The following HOMER1 variants were observed in gnomAD, a reference collection of about 807,000 sequenced individuals.
HOMER1 encodes homer scaffold protein 1.
In HOMER1, 3 loss-of-function variants were observed where a neutral mutation model predicts 48.9. The observed-to-expected ratio is 0.06, with a 90% CI of 0.03 to 0.16. The LOEUF is 0.16. Ranked by LOEUF, HOMER1 falls within the 10% of genes least tolerant of loss-of-function variation. HOMER1 has a pLI of 1.00. For missense variants in HOMER1, 247 were observed against 411.4 expected, an observed-to-expected ratio of 0.60 and a Z score of 3.46; for synonymous variants, 134 against 146.4, an observed-to-expected ratio of 0.92 and a Z score of 0.61.
chr5:79,377,000 C>G lies in HOMER1; in HGVS notation c.877-803G>C, dbSNP rs1001695890. Among the ~76,000 whole-genome samples, 6 of 152,188 alleles carry G rather than the reference C, an allele frequency of 3.9e-5. 1 individual carries two copies. Among genetic ancestry groups the G allele is most frequent in the African/African-American group, 1.4e-4 (6 of 41,450 alleles). ...CTTTTCTTTGAGACACAGTCTCACT[C>G]TGTCCCCCAGGATGGAGTGCAATGG... is the stretch of plus-strand genomic sequence containing the variant. On this transcript the variant is annotated intron_variant, in intron 8 of 8. Transcript: ENST00000334082.
In HOMER1 at chr5:79,375,916, T is replaced by A. The variant is rs982331975; in HGVS notation, c.*93A>T. On this transcript the variant is annotated 3_prime_UTR_variant, in exon 9 of 9. Transcript: ENST00000334082. ...GGAGTGATATTCAATTTTTTTTTTTTTTTTTTTGTGCAATCTTGATGCAGA... is the reference window on the plus strand; with the variant it reads ...GGAGTGATATTCAATTTTTTTTTTTATTTTTTTGTGCAATCTTGATGCAGA... 9.1e-5 allele frequency: 51 copies of A among 558,768 alleles called. 2 individuals carry two copies. The highest frequency in any genetic ancestry group is 1.3e-4 in the Non-Finnish European group (47 of 374,746). The allele number at this position is 558,768 out of a possible 1,614,324, so 34.6% of individuals were successfully genotyped here. A position where few individuals can be genotyped will look rare whatever the true frequency, so the allele number is the denominator to read the frequency against.
intron 1 of HOMER1, among the ~76,000 whole-genome samples, chr5:79,472,472 AT>A (rs1212631694): frequency 1.3e-5 from 2 of 152,270 alleles, no homozygotes; most frequent in East Asian, 3.9e-4. Context: ...GTAAATACCA[AT>A]TAAAAATACT....
intron 8 of HOMER1, among the ~76,000 whole-genome samples, chr5:79,390,407 T>C (rs898497427): frequency 6.6e-6 from 1 of 152,048 alleles, no homozygotes; most frequent in African/African-American, 2.4e-5. Context: ...AGGTAACCAC[T>C]ACAACAAAAC....
intron 5 of HOMER1, among the ~76,000 whole-genome samples, chr5:79,428,106 CT>C (rs1750320886): frequency 6.6e-6 from 1 of 152,088 alleles, no homozygotes; most frequent in Non-Finnish European, 1.5e-5. Flanking sequence ...TTCATTTTTC[CT>C]TTAAAATAAA....
chr5:79,483,819 C>G (rs1355038314), intron 1 of HOMER1, among the ~76,000 whole-genome samples: 1 of 149,612 alleles, frequency 6.7e-6, no homozygotes, highest in Non-Finnish European at 1.5e-5. Flanking sequence ...CTTTGGGAGG[C>G]CGAGGTGGGT....
chr5:79,401,770 ACAACC>A, intron 6 of HOMER1, 124 bp downstream of exon 6: 1 of 850,830 alleles, frequency 1.2e-6, no homozygotes, highest in Non-Finnish European at 1.8e-6. Flanking sequence ...TGCATATCAT[ACAACC>A]CATATCTATG....
At chr5:79,433,182 T>A (rs1580448012) in intron 5 of HOMER1, among the ~76,000 whole-genome samples, 2 of 152,136 alleles carry the variant, frequency 1.3e-5, no homozygotes, top group East Asian at 3.8e-4. Flanking sequence ...CATGTCACAG[T>A]GTGGAGAATA....
intron 1 of HOMER1, among the ~76,000 whole-genome samples, chr5:79,482,309 C>G (rs2112343445): frequency 6.6e-6 from 1 of 152,066 alleles, no homozygotes; most frequent in Non-Finnish European, 1.5e-5. Context: ...TAAAACATAA[C>G]CCATAATGAG....
At chr5:79,434,543 T>C (rs1246759168) in intron 5 of HOMER1, among the ~76,000 whole-genome samples, 1 of 152,116 alleles carries the variant, frequency 6.6e-6, no homozygotes, top group African/African-American at 2.4e-5. Context: ...TCTCAAAAGA[T>C]ATTATCATTT....
Position 79,513,080 on chromosome 5 carries a change from C to T in HOMER1, c.-306G>A. On this transcript the variant is annotated 5_prime_UTR_variant, in exon 1 of 9. Coordinates refer to ENST00000334082, the MANE Select transcript of HOMER1 (RefSeq NM_004272.5). ...TCTACAAGTAGGGAAATGCAGAATCCGGCTTCACCGAGTCCTATAAAAAAT... is the reference window on the plus strand; with the variant it reads ...TCTACAAGTAGGGAAATGCAGAATCTGGCTTCACCGAGTCCTATAAAAAAT... The T allele has an allele frequency of 2.4e-6, 1 of 424,488 alleles. No individual in the cohort carries two copies. Among genetic ancestry groups the T allele is most frequent in the Non-Finnish European group, 4.2e-6 (1 of 237,566 alleles). The allele number at this position is 424,488 out of a possible 1,614,324, so 26.3% of individuals were successfully genotyped here.
At chr5:79,411,974 C>T (rs1362244630) in intron 5 of HOMER1, among the ~76,000 whole-genome samples, 1 of 152,160 alleles carries the variant, frequency 6.6e-6, no homozygotes, top group East Asian at 1.9e-4. Context: ...CAAAAATTAG[C>T]CGGGTGTGGT....
intron 1 of HOMER1, among the ~76,000 whole-genome samples, chr5:79,482,213 CT>C (rs1751969277): frequency 6.6e-6 from 1 of 151,916 alleles, no homozygotes; most frequent in Non-Finnish European, 1.5e-5. Context: ...GAGTGACACC[CT>C]GTCTCAAAAA....
chr5:79,509,682 T>G (rs185252684), intron 1 of HOMER1, among the ~76,000 whole-genome samples: 3 of 152,336 alleles, frequency 2.0e-5, no homozygotes, highest in Admixed American at 2.0e-4. Flanking sequence ...TTGACAGACT[T>G]TGCCAACTGT....
intron 4 of HOMER1, among the ~76,000 whole-genome samples, chr5:79,442,067 T>C (rs1212347453): frequency 1.3e-5 from 2 of 151,920 alleles, no homozygotes; most frequent in Non-Finnish European, 2.9e-5. Flanking sequence ...ATCTTTTCTA[T>C]TGACTTTATA....
intron 1 of HOMER1, among the ~76,000 whole-genome samples, chr5:79,487,274 T>C (rs558336918): frequency 2.0e-5 from 3 of 152,038 alleles, no homozygotes; most frequent in African/African-American, 7.2e-5. Flanking sequence ...TGAAACTCCA[T>C]CTCAAAAAAG....
Position 79,512,794 on chromosome 5 carries a change from C to T in HOMER1, c.-20G>A. The stretch of plus-strand genomic sequence containing the variant: ...CCCCATTTTGCCCAATGAAAACTTG[C>T]TCTGAAGTTTCAGCTCTTATGCTAC... On this transcript the variant is annotated 5_prime_UTR_variant, in exon 1 of 9. Coordinates refer to ENST00000334082, the MANE Select transcript of HOMER1 (RefSeq NM_004272.5). The T allele has an allele frequency of 1.9e-6, 3 of 1,612,934 alleles. No individual in the cohort carries two copies. The highest frequency in any genetic ancestry group is 1.1e-5 in the South Asian group (1 of 91,038).
chr5:79,453,579 T>G (rs911499530), intron 2 of HOMER1, among the ~76,000 whole-genome samples: 4 of 152,176 alleles, frequency 2.6e-5, no homozygotes, highest in African/African-American at 9.7e-5. Context: ...AAAATTTTAG[T>G]TCTGAAAATA....
In HOMER1 at chr5:79,389,271, A is replaced by G. The variant is rs148458297; in HGVS notation, c.876+7552T>C. On this transcript the variant is annotated intron_variant, in intron 8 of 8. Coordinates refer to ENST00000334082, the MANE Select transcript of HOMER1 (RefSeq NM_004272.5). ...CTCGCCCCAATACTGAATACATGAG[A>G]AAAAAAAAAGTTTAAATAAGCAAGA... Among the ~76,000 whole-genome samples the G allele has an allele frequency of 5.3e-3, 792 of 150,166 alleles. 3 individuals carry two copies. The highest frequency in any genetic ancestry group is 0.019 in the African/African-American group (756 of 40,778).
chr5:79,481,946 C>CA (rs1466153056), intron 1 of HOMER1, among the ~76,000 whole-genome samples: 3 of 152,148 alleles, frequency 2.0e-5, no homozygotes, highest in Non-Finnish European at 4.4e-5. Context: ...AGTCTGGGCA[C>CA]GGTGGCTCAC....
Sources: gnomAD v4.1 joint callset for allele counts (sites outside exome capture counted in the v4.1 genomes callset) on GRCh38, gnomAD v4.1.1 for gene constraint, MANE v1.5 for transcripts, NCBI Gene and HGNC (gene_info 2026-07-23, HGNC 2026-07-21) for gene names.